Variants in ARHGAP45 observed in about 807,000 individuals in gnomAD.
ARHGAP45 encodes the protein rho GTPase-activating protein 45.
Under a neutral mutation model 116.1 loss-of-function variants are expected in ARHGAP45, and 56 were observed. The ratio of observed to expected loss-of-function variants is 0.48; its 90% CI spans 0.39 to 0.60. The LOEUF is 0.60. Ranked by LOEUF, ARHGAP45 falls within the 20% of genes least tolerant of loss-of-function variation. The probability of loss-of-function intolerance (pLI) is 0.00; values close to 1 mark genes in which losing one functional copy is unlikely to be tolerated. For missense variants in ARHGAP45, 1,622 were observed against 1,601.0 expected (o/e 1.01, Z -0.22); for synonymous variants, 866 against 701.7 (o/e 1.23, Z -3.70).
rs1406153114 is a variant in ARHGAP45, at chr19:1,081,003, C to T, written c.2129C>T (p.Thr710Met). 1 of 1,608,176 alleles carries T rather than the reference C, an allele frequency of 6.2e-7. No homozygotes were observed. The highest frequency in any genetic ancestry group is 1.7e-5 in the Admixed American group (1 of 59,252). The change falls in exon 17 of 23, where the codon ACG becomes ATG. Residue 710 changes from threonine to methionine, a missense_variant. Thr to Met is a moderately conservative substitution (Grantham distance 81). Around this residue, in one of 3 missense-constraint regions of ARHGAP45, gnomAD observed 1,334 missense variants for 1,263.8 expected, o/e 1.06. Coordinates refer to ENST00000313093, the MANE Select transcript of ARHGAP45 (RefSeq NM_012292.5). ...ACTCACCGGCTCCGGAAGCTCCGCA[C>T]GCCCGCCAAGTGCCGCGAGTGCAAC... ...ARTHRLRKLR[T>M]PAKCRECNSY...
chr19:1,066,586 G>A (rs2043035408), upstream of ARHGAP45: 1 of 173,100 alleles, frequency 5.8e-6, no homozygotes, highest in African/African-American at 2.4e-5. Flanking sequence ...GGCAGCCCAG[G>A]ACCAGGTGGA....
intron 10 of ARHGAP45, among the ~76,000 whole-genome samples, chr19:1,076,137 C>T (rs958784710): frequency 2.0e-5 from 3 of 152,130 alleles, no homozygotes; most frequent in African/African-American, 4.8e-5. Flanking sequence ...CTATGACAAG[C>T]TTGTGCCCCT....
At chr19:1,082,539 C>T in intron 19 of ARHGAP45, 1 of 447,308 alleles carries the variant, frequency 2.2e-6, no homozygotes, top group Non-Finnish European at 4.0e-6. Flanking sequence ...CAGCACTTCG[C>T]AGGTGGTTGG....
In ARHGAP45 at chr19:1,081,300, G is replaced by C. The variant is rs1318035833; in HGVS notation, c.2190+236G>C. 13 of 640,748 alleles carry C rather than the reference G, an allele frequency of 2.0e-5. No individual in the cohort carries two copies. The East Asian group carries it at 3.6e-4, about 18-fold the overall frequency. The allele number at this position is 640,748 out of a possible 1,614,324, so 39.7% of individuals were successfully genotyped here. A position where few individuals can be genotyped will look rare whatever the true frequency, so the allele number is the denominator to read the frequency against. ...CTGGAGGGTGAAGAGTCCTGGGGCT[G>C]TGGCCAGAAGACCTGGAGGGCAAAG... On this transcript the variant is annotated intron_variant, in intron 17 of 22. Coordinates refer to ENST00000313093, the MANE Select transcript of ARHGAP45 (RefSeq NM_012292.5).
At chr19:1,077,548 T>A in intron 10 of ARHGAP45, 1 of 1,109,444 alleles carries the variant, frequency 9.0e-7, no homozygotes, top group Non-Finnish European at 1.2e-6. Context: ...AATGCCCGGC[T>A]AATTGTTTTA....
intron 13 of ARHGAP45, 38 bp from the exon 14 acceptor site, chr19:1,080,217 C>A: frequency 3.7e-6 from 6 of 1,611,260 alleles, no homozygotes; most frequent in Admixed American, 1.7e-5. Context: ...GTCTTGCCCC[C>A]CATCACCTCC....
intron 10 of ARHGAP45, chr19:1,077,374 C>CTTTTTTTTT: frequency 1.1e-6 from 1 of 920,772 alleles, no homozygotes; most frequent in African/African-American, 2.2e-5. Context: ...TCCTCCCGTT[C>CTTTTTTTTT]TTTTTTTTTT....
At chr19:1,083,593 G>GCTGGCCTTGGGC (rs1555710409) in intron 21 of ARHGAP45, among the ~76,000 whole-genome samples, 3 of 152,204 alleles carry the variant, frequency 2.0e-5, no homozygotes, top group Non-Finnish European at 4.4e-5. Flanking sequence ...CTCCCTTGGG[G>GCTGGCCTTGGGC]CTGGCCTTGG....
At chr19:1,085,510 T>TCCCTCTCTCCTGTCTCTCC (rs2043587602) in intron 22 of ARHGAP45, 150 bp from the exon 23 acceptor site, 9 of 544,544 alleles carry the variant, frequency 1.7e-5, no homozygotes, top group East Asian at 5.8e-5. Context: ...TTGTCTCTCC[T>TCCCTCTCTCCTGTCTCTCC]CCATCTCTCC....
In ARHGAP45 at chr19:1,086,411, A is replaced by G. The variant is rs1020054135; in HGVS notation, c.*405A>G. ...ACAGGTCTGTTGCAGGGACTCCAGA[A>G]ACCATTCTGGGAGCCGTGGATGGGG... On this transcript the variant is annotated 3_prime_UTR_variant, in exon 23 of 23. Transcript: ENST00000313093. 1.1e-5 allele frequency: 2 copies of G among 180,730 alleles called. No individual in the cohort carries two copies. The highest frequency in any genetic ancestry group is 2.4e-5 in the Non-Finnish European group (2 of 84,834). 11.2% of individuals were successfully genotyped at this position (180,730 alleles called of 1,614,324 possible). A position where few individuals can be genotyped will look rare whatever the true frequency, so the allele number is the denominator to read the frequency against.
intron 17 of ARHGAP45, 92 bp from the exon 18 acceptor site, chr19:1,081,458 G>C: frequency 1.6e-6 from 2 of 1,242,222 alleles, no homozygotes; most frequent in Non-Finnish European, 2.1e-6. Context: ...TGTGGGGGCT[G>C]TGAGCGCCCC....
chr19:1,066,434 G>A, upstream of ARHGAP45: 1 of 515,034 alleles, frequency 1.9e-6, no homozygotes. Context: ...ATGCAGCTTG[G>A]GAGGCGGGGC....
Position 1,067,228 on chromosome 19 carries a change from CCCGAAGCCTTTT to C in ARHGAP45, c.-175_-164del. 1 of 1,353,040 alleles carries C rather than the reference CCCGAAGCCTTTT, an allele frequency of 7.4e-7. No homozygotes were observed. The highest frequency in any genetic ancestry group is 9.4e-7 in the Non-Finnish European group (1 of 1,059,808). 83.8% of individuals were successfully genotyped at this position (1,353,040 alleles called of 1,614,324 possible). On this transcript the variant is annotated 5_prime_UTR_variant, in exon 1 of 23. Coordinates refer to ENST00000313093, the MANE Select transcript of ARHGAP45 (RefSeq NM_012292.5). ...GGGGGCGAGGCCGCGTCGCCGCCTC[CCCGAAGCCTTTT>C]CCTGTTGGGGGGAGGGCCCGCCAGT... is the stretch of plus-strand genomic sequence containing the variant.
upstream of ARHGAP45, chr19:1,066,071 T>C: frequency 3.9e-6 from 6 of 1,535,686 alleles, no homozygotes; most frequent in Non-Finnish European, 5.2e-6. Context: ...GGGCTGGGTT[T>C]GCACTTGGAC....
chr19:1,085,780 C>A lies in ARHGAP45; in HGVS notation c.3185C>A (p.Ala1062Asp). 6.2e-7 allele frequency: 1 copy of A among 1,612,810 alleles called. No homozygotes were observed. The highest frequency in any genetic ancestry group is 1.1e-5 in the South Asian group (1 of 91,074). Residue 1062 changes from alanine (A) to aspartate (D), a missense_variant, in exon 23 of 23, where the codon GCC becomes GAC. Coordinates refer to ENST00000313093, the MANE Select transcript of ARHGAP45 (RefSeq NM_012292.5). ...TTCCTGGAGCAGCAGCAGAGCGAGG[C>A]CAGCCTAGAGGTGGCTTCTGGCAGC... The part of the protein sequence containing the change: ...LSFLEQQQSE[A>D]SLEVASGSHS...
chr19:1,079,057 G>A (rs1039269516), intron 11 of ARHGAP45, among the ~76,000 whole-genome samples: 1 of 151,752 alleles, frequency 6.6e-6, no homozygotes, highest in Non-Finnish European at 1.5e-5. Flanking sequence ...GTGGGCGCCT[G>A]TAGTCCCAGC....
At chr19:1,085,495 TCC>T (rs1347431272) in intron 22 of ARHGAP45, among the ~76,000 whole-genome samples, 163 bp from the exon 23 acceptor site, 2 of 109,382 alleles carry the variant, frequency 1.8e-5, no homozygotes, top group Non-Finnish European at 4.4e-5. Context: ...TGTCTGTCCC[TCC>T]CCTTGTCTCT....
chr19:1,076,683 G>C (rs2043257737), intron 10 of ARHGAP45, among the ~76,000 whole-genome samples: 1 of 151,728 alleles, frequency 6.6e-6, no homozygotes, highest in Non-Finnish European at 1.5e-5. Context: ...TTTTAGTAGA[G>C]ATGGGGTTTC....
At position 1,067,243 on chromosome 19, in the gene ARHGAP45, T is replaced by G; in HGVS notation, c.-163T>G. On this transcript the variant is annotated 5_prime_UTR_variant, in exon 1 of 23. Coordinates refer to ENST00000313093, the MANE Select transcript of ARHGAP45 (RefSeq NM_012292.5). ...TCGCCGCCTCCCCGAAGCCTTTTCC[T>G]GTTGGGGGGAGGGCCCGCCAGTGAC... is the stretch of plus-strand genomic sequence containing the variant. 2 of 1,325,634 alleles carry G rather than the reference T, an allele frequency of 1.5e-6. No individual in the cohort carries two copies. The highest frequency in any genetic ancestry group is 3.2e-5 in the East Asian group (1 of 30,954). The allele number at this position is 1,325,634 out of a possible 1,614,324, so 82.1% of individuals were successfully genotyped here.
Sources: allele counts gnomAD v4.1 joint callset (sites outside exome capture counted in the v4.1 genomes callset), GRCh38; gene constraint gnomAD v4.1.1; regional missense constraint gnomAD v4.1.1; transcripts MANE v1.5; gene names NCBI Gene and HGNC (gene_info 2026-07-23, HGNC 2026-07-21).